The following MRPS35 variants were observed in gnomAD, a reference collection of about 807,000 sequenced individuals.
MRPS35 encodes small ribosomal subunit protein mS35.
Under a neutral mutation model 32.7 loss-of-function variants are expected in MRPS35, and 29 were observed. That is an observed-to-expected ratio of 0.89 (90% CI 0.66 to 1.21). The LOEUF is 1.21. Among genes scored for constraint, MRPS35 ranks in the 50% most tolerant of loss-of-function variants. The pLI, the probability that MRPS35 is intolerant of heterozygous loss-of-function variation, is 0.00. For synonymous variants in MRPS35, 148 were observed against 139.3 expected (o/e 1.06, Z -0.44); for missense variants, 373 against 383.8 (o/e 0.97, Z 0.23).
intron 5 of MRPS35, among the ~76,000 whole-genome samples, chr12:27,732,243 C>T (rs74839721): frequency 9.5e-4 from 145 of 152,308 alleles, no homozygotes; most frequent in African/African-American, 3.0e-3. Context: ...TGTGGGCCTC[C>T]GTCTTCAGTC....
intron 7 of MRPS35, among the ~76,000 whole-genome samples, chr12:27,751,051 C>T (rs566223075): frequency 2.7e-3 from 316 of 118,080 alleles, no homozygotes; most frequent in African/African-American, 9.9e-3. Context: ...TGCAGTGAGA[C>T]GAGATCATGG....
At chr12:27,734,063 G>C (rs1466305431) in intron 5 of MRPS35, among the ~76,000 whole-genome samples, 1 of 152,190 alleles carries the variant, frequency 6.6e-6, no homozygotes, top group Non-Finnish European at 1.5e-5. Context: ...GTGATGTCTT[G>C]AGGGAAGTGT....
intron 5 of MRPS35, among the ~76,000 whole-genome samples, chr12:27,727,824 T>C (rs971502045): frequency 6.6e-6 from 1 of 152,110 alleles, no homozygotes; most frequent in African/African-American, 2.4e-5. Context: ...CCAGGAACGC[T>C]TGTAAATTCA....
rs373440176 is a variant in MRPS35, at chr12:27,719,833, C to G, written c.347C>G (p.Pro116Arg). The G allele has an allele frequency of 5.0e-5, 81 of 1,607,610 alleles. No homozygotes were observed. The highest frequency in any genetic ancestry group is 1.6e-4 in the Middle Eastern group (1 of 6,064). Residue 116 changes from proline (P) to arginine (R), a missense_variant, in exon 4 of 8, where the codon CCT becomes CGT. By Grantham distance (103) the Pro-to-Arg change is moderately radical (BLOSUM62 -2). Transcript: ENST00000081029. ...ATTCCCAATTTTCTGCATTTGACTCCTGTAGCAATTAAAAAGCACTGTGAA... is the reference window on the plus strand; with the variant it reads ...ATTCCCAATTTTCTGCATTTGACTCGTGTAGCAATTAAAAAGCACTGTGAA... ...LKIPNFLHLT[P>R]VAIKKHCEAL...
intron 1 of MRPS35, among the ~76,000 whole-genome samples, chr12:27,714,233 T>G (rs1031606359): frequency 1.3e-5 from 2 of 152,184 alleles, no homozygotes; most frequent in African/African-American, 4.8e-5. Flanking sequence ...TGACAGACTC[T>G]GTAAGAGTCA....
chr12:27,735,670 T>G, intron 6 of MRPS35, 114 bp downstream of exon 6: 1 of 746,702 alleles, frequency 1.3e-6, no homozygotes, highest in Non-Finnish European at 2.3e-6. Flanking sequence ...GCGTAGCCTT[T>G]TCTTATTAAG....
intron 7 of MRPS35, among the ~76,000 whole-genome samples, chr12:27,750,349 C>T (rs2061997028): frequency 6.6e-6 from 1 of 152,140 alleles, no homozygotes; most frequent in African/African-American, 2.4e-5. Flanking sequence ...TAAAATCTAT[C>T]CCAGTAAATC....
chr12:27,711,484 A>T (rs1429105508), intron 1 of MRPS35, among the ~76,000 whole-genome samples: 1 of 152,204 alleles, frequency 6.6e-6, no homozygotes, highest in Non-Finnish European at 1.5e-5. Context: ...CAGATTTATT[A>T]GCGGAGAAGT....
At position 27,716,290 on chromosome 12, in the gene MRPS35, G is replaced by A; in HGVS notation, c.154-1G>A. On this transcript the variant is annotated splice_acceptor_variant, in intron 2 of 7. Coordinates refer to ENST00000081029, the MANE Select transcript of MRPS35 (RefSeq NM_021821.4). LOFTEE classifies it high-confidence loss of function. ...ATACTAAACGATTTTATATTTCTTA[G>A]GCACTACCTCCTAGGACAGAGAAAA... 2.6e-6 allele frequency: 4 copies of A among 1,557,244 alleles called. No homozygotes were observed. Among genetic ancestry groups the A allele is most frequent in the Non-Finnish European group, 3.5e-6 (4 of 1,156,710 alleles).
intron 5 of MRPS35, among the ~76,000 whole-genome samples, chr12:27,730,958 A>G (rs2061920022): frequency 6.6e-6 from 1 of 152,244 alleles, no homozygotes. Context: ...GAAGTATCAC[A>G]TAAATTATGT....
intron 7 of MRPS35, among the ~76,000 whole-genome samples, chr12:27,743,562 TATTA>T (rs1383325931): frequency 2.0e-5 from 3 of 152,156 alleles, no homozygotes; most frequent in East Asian, 1.9e-4. Flanking sequence ...GGCAAATGTT[TATTA>T]ATTGTCTATT....
chr12:27,720,211 G>C (rs2061867758), intron 4 of MRPS35, among the ~76,000 whole-genome samples: 1 of 152,036 alleles, frequency 6.6e-6, no homozygotes, highest in Non-Finnish European at 1.5e-5. Flanking sequence ...GGCCAACATA[G>C]TGAAACCCTG....
At chr12:27,728,902 A>C (rs7973245) in intron 5 of MRPS35, among the ~76,000 whole-genome samples, 18,381 of 152,148 alleles carry the variant, frequency 0.12, 1,387 homozygotes, top group East Asian at 0.18. Flanking sequence ...TTTGGCAAGA[A>C]TACTTTATAG....
chr12:27,743,529 A>C (rs988342032), intron 7 of MRPS35, among the ~76,000 whole-genome samples: 3 of 152,122 alleles, frequency 2.0e-5, no homozygotes, highest in Non-Finnish European at 4.4e-5. Flanking sequence ...ACTCCATCTC[A>C]AAATAAATAA....
chr12:27,722,187 C>T (rs993840831), intron 4 of MRPS35, among the ~76,000 whole-genome samples: 1 of 152,134 alleles, frequency 6.6e-6, no homozygotes, highest in African/African-American at 2.4e-5. Flanking sequence ...TTGCGTCTTC[C>T]GTATAACTCA....
intron 2 of MRPS35, among the ~76,000 whole-genome samples, chr12:27,715,659 A>G (rs1290549725): frequency 3.9e-5 from 6 of 152,176 alleles, no homozygotes; most frequent in Non-Finnish European, 8.8e-5. Context: ...TGCTTCTAGG[A>G]TATTGACTAC....
At chr12:27,723,455 T>G (rs1481231703) in intron 4 of MRPS35, among the ~76,000 whole-genome samples, 1 of 152,142 alleles carries the variant, frequency 6.6e-6, no homozygotes, top group Non-Finnish European at 1.5e-5. Flanking sequence ...TTTAACCCCA[T>G]TGGCACATAG....
At chr12:27,740,080 G>A (rs919895066) in intron 7 of MRPS35, among the ~76,000 whole-genome samples, 7 of 152,098 alleles carry the variant, frequency 4.6e-5, no homozygotes, top group Non-Finnish European at 7.4e-5. Flanking sequence ...GAAATTTTGC[G>A]GAGCTGCTAG....
chr12:27,744,867 G>GT (rs35340427), intron 7 of MRPS35, among the ~76,000 whole-genome samples: 73,967 of 151,754 alleles, frequency 0.49, 18,165 homozygotes, highest in Admixed American at 0.58. Context: ...CTCTGACTTT[G>GT]TTTTTTTTAA....
Sources: gnomAD v4.1 joint callset for allele counts (sites outside exome capture counted in the v4.1 genomes callset) on GRCh38, gnomAD v4.1.1 for gene constraint, MANE v1.5 for transcripts, NCBI Gene and HGNC (gene_info 2026-07-23, HGNC 2026-07-21) for gene names.